C1QTNF7: variants seen among roughly 807,000 people sequenced by gnomAD.
The protein encoded by C1QTNF7 is C1q and TNF related 7.
C1QTNF7 carries 15 observed loss-of-function variants against 19.6 expected under a neutral mutation model. That is an observed-to-expected ratio of 0.76 (90% CI 0.51 to 1.18). C1QTNF7 has a LOEUF of 1.18. C1QTNF7 is among the 50% of genes most tolerant of loss of function. C1QTNF7 has a pLI of 0.00. For missense variants in C1QTNF7, 324 were observed against 359.7 expected (o/e 0.90, Z 0.80); for synonymous variants, 142 against 137.5 (o/e 1.03, Z -0.23).
intron 1 of C1QTNF7, among the ~76,000 whole-genome samples, chr4:15,366,960 G>A (rs1224964844): frequency 1.3e-5 from 2 of 152,142 alleles, no homozygotes; most frequent in African/African-American, 4.8e-5. Context: ...GAAATTCAAA[G>A]GGCTTGAGAC....
At chr4:15,368,743 A>G (rs1216681571) in intron 1 of C1QTNF7, among the ~76,000 whole-genome samples, 2 of 152,354 alleles carry the variant, frequency 1.3e-5, no homozygotes, top group African/African-American at 4.8e-5. Context: ...TAGTGCCGCA[A>G]TAAACATACG....
intron 1 of C1QTNF7, among the ~76,000 whole-genome samples, chr4:15,412,145 T>C (rs1719425950): frequency 6.6e-6 from 1 of 152,166 alleles, no homozygotes; most frequent in Non-Finnish European, 1.5e-5. Context: ...CTGTCCTGGC[T>C]CTGATCACCC....
At chr4:15,374,948 G>A (rs1717878290) in intron 1 of C1QTNF7, among the ~76,000 whole-genome samples, 1 of 151,428 alleles carries the variant, frequency 6.6e-6, no homozygotes, top group African/African-American at 2.4e-5. Context: ...GGTTGCTTCT[G>A]CTGAACAAGA....
At chr4:15,379,338 T>C (rs1262957839) in intron 1 of C1QTNF7, among the ~76,000 whole-genome samples, 5 of 152,216 alleles carry the variant, frequency 3.3e-5, no homozygotes, top group Non-Finnish European at 5.9e-5. Context: ...TGGTAAGTTG[T>C]TGTCCAGTCG....
intron 1 of C1QTNF7, among the ~76,000 whole-genome samples, chr4:15,356,150 T>C (rs888844981): frequency 2.6e-5 from 4 of 152,124 alleles, no homozygotes; most frequent in Non-Finnish European, 5.9e-5. Context: ...GTACAGAACA[T>C]GCAGGTTTGT....
chr4:15,350,985 T>G (rs1262198271), intron 1 of C1QTNF7, among the ~76,000 whole-genome samples: 1 of 152,182 alleles, frequency 6.6e-6, no homozygotes, highest in Non-Finnish European at 1.5e-5. Flanking sequence ...TGGATTAAAA[T>G]CCAAGCCGTC....
At chr4:15,394,725 ACT>A (rs1718717734) in intron 1 of C1QTNF7, among the ~76,000 whole-genome samples, 1 of 152,072 alleles carries the variant, frequency 6.6e-6, no homozygotes, top group South Asian at 2.1e-4. Context: ...ATGGAACTAG[ACT>A]CTCTACTCTT....
chr4:15,433,000 A>T (rs1712387874), intron 1 of C1QTNF7, among the ~76,000 whole-genome samples: 1 of 151,956 alleles, frequency 6.6e-6, no homozygotes, highest in Non-Finnish European at 1.5e-5. Context: ...TTCTTCACAG[A>T]CTGTTCCTGT....
intron 1 of C1QTNF7, among the ~76,000 whole-genome samples, chr4:15,390,718 A>G (rs1301742559): frequency 5.3e-5 from 8 of 152,228 alleles, no homozygotes; most frequent in Non-Finnish European, 1.0e-4. Context: ...GAAGAACCCC[A>G]AAGAAAATTT....
At chr4:15,358,940 T>C (rs1269795942) in intron 1 of C1QTNF7, among the ~76,000 whole-genome samples, 1 of 152,154 alleles carries the variant, frequency 6.6e-6, no homozygotes, top group Non-Finnish European at 1.5e-5. Context: ...GGCATGGCAG[T>C]TGATGCTCTA....
chr4:15,356,175 C>T (rs141621535), intron 1 of C1QTNF7, among the ~76,000 whole-genome samples: 6 of 152,054 alleles, frequency 3.9e-5, no homozygotes, highest in Admixed American at 1.3e-4. Flanking sequence ...TAGGTATACA[C>T]GTGCCATGGT....
intron 1 of C1QTNF7, among the ~76,000 whole-genome samples, chr4:15,428,515 C>G (rs1355454836): frequency 6.6e-6 from 1 of 151,994 alleles, no homozygotes; most frequent in Non-Finnish European, 1.5e-5. Flanking sequence ...AGACTAGTCT[C>G]TGTCCTAGAG....
chr4:15,426,531 T>C (rs1712062739), upstream of C1QTNF7, among the ~76,000 whole-genome samples: 1 of 152,228 alleles, frequency 6.6e-6, no homozygotes, highest in East Asian at 1.9e-4. Context: ...TGTAATACTT[T>C]AATGATACAA....
At chr4:15,440,499 C>G (rs1051046165) in intron 2 of C1QTNF7, among the ~76,000 whole-genome samples, 10 of 151,760 alleles carry the variant, frequency 6.6e-5, no homozygotes, top group Non-Finnish European at 4.4e-5. Context: ...CCTCCGCCTC[C>G]CGGGTTCAAG....
intron 1 of C1QTNF7, among the ~76,000 whole-genome samples, chr4:15,354,683 G>T (rs113417261): frequency 1.3e-5 from 2 of 152,162 alleles, no homozygotes; most frequent in African/African-American, 4.8e-5. Context: ...GTGAATTCCA[G>T]AAAATCTTCC....
chr4:15,383,041 G>A (rs1169133952), intron 1 of C1QTNF7, among the ~76,000 whole-genome samples: 1 of 152,082 alleles, frequency 6.6e-6, no homozygotes, highest in African/African-American at 2.4e-5. Context: ...ATGCTGATAA[G>A]GACACTCAAA....
At chr4:15,360,220 A>AG (rs11420282) in intron 1 of C1QTNF7, among the ~76,000 whole-genome samples, 71,804 of 151,826 alleles carry the variant, frequency 0.47, 18,286 homozygotes, top group African/African-American at 0.66. Context: ...TTCTATGGGT[A>AG]AACTAACCCA....
chr4:15,343,249 G>A (rs1353291946), intron 1 of C1QTNF7, among the ~76,000 whole-genome samples: 1 of 152,136 alleles, frequency 6.6e-6, no homozygotes, highest in Non-Finnish European at 1.5e-5. Context: ...ATAGACCAAC[G>A]CATGCTGGAA....
intron 2 of C1QTNF7, among the ~76,000 whole-genome samples, chr4:15,439,218 C>G (rs777969963): frequency 3.6e-4 from 55 of 152,188 alleles, no homozygotes; most frequent in Non-Finnish European, 7.3e-4. Context: ...GGAAGAGTAA[C>G]TATACATTAT....
Sources: allele counts gnomAD v4.1 joint callset (sites outside exome capture counted in the v4.1 genomes callset), GRCh38; gene constraint gnomAD v4.1.1; transcripts MANE v1.5; gene names NCBI Gene and HGNC (gene_info 2026-07-23, HGNC 2026-07-21).